AUNIP: variants seen among roughly 807,000 people sequenced by gnomAD.
AUNIP encodes the protein aurora kinase A and ninein interacting protein, also known as aurora kinase A- and ninein-interacting protein.
A neutral mutation model predicts 12.2 loss-of-function variants in AUNIP; 16 were observed. That is an observed-to-expected ratio of 1.31 (90% CI 0.88 to 1.99). The LOEUF is 1.99. AUNIP is among the 30% of genes most tolerant of loss of function. The pLI is 0.00. For missense variants in AUNIP, 411 were observed against 419.1 expected (o/e 0.98, Z 0.17); for synonymous variants, 142 against 154.8 (o/e 0.92, Z 0.61).
At chr1:25,833,001 A>ATTG (rs1184859230), downstream of AUNIP, 2 of 152,166 alleles carry the variant, frequency 1.3e-5, no homozygotes, top group African/African-American at 4.8e-5. Context: ...GCATAGGATT[A>ATTG]TTGTTAATTT....
downstream of AUNIP, chr1:25,832,815 G>A (rs2048264610): frequency 6.4e-6 from 1 of 156,278 alleles, no homozygotes; most frequent in African/African-American, 2.4e-5. Flanking sequence ...GCTGGGCCAA[G>A]GTTTGTATGT....
chr1:25,834,824 C>G lies in AUNIP; in HGVS notation c.*169G>C. The G allele has an allele frequency of 6.9e-7, 1 of 1,445,226 alleles. No homozygotes were observed. The highest frequency in any genetic ancestry group is 9.0e-7 in the Non-Finnish European group (1 of 1,105,330). The allele number at this position is 1,445,226 out of a possible 1,614,324, so 89.5% of individuals were successfully genotyped here. A position where few individuals can be genotyped will look rare whatever the true frequency, so the allele number is the denominator to read the frequency against. On this transcript the variant is annotated 3_prime_UTR_variant, in exon 3 of 3. Coordinates refer to ENST00000374298, the MANE Select transcript of AUNIP (RefSeq NM_024037.3). ...AAAGCCATGATGCCAATCCCACTGTCTTAACAATGGTACTGCCCTTTATTT... is the reference window on the plus strand; with the variant it reads ...AAAGCCATGATGCCAATCCCACTGTGTTAACAATGGTACTGCCCTTTATTT...
downstream of AUNIP, chr1:25,832,844 C>CAA (rs2048265162): frequency 6.5e-6 from 1 of 153,762 alleles, no homozygotes; most frequent in African/African-American, 2.4e-5. Flanking sequence ...ATGCATGACT[C>CAA]AGATGCCCTC....
At chr1:25,843,862 C>CA (rs35149398) in intron 1 of AUNIP, among the ~76,000 whole-genome samples, 31 of 148,290 alleles carry the variant, frequency 2.1e-4, no homozygotes, top group African/African-American at 2.7e-4. Context: ...AATAGATAAG[C>CA]AAAAAAAAAA....
chr1:25,840,757 T>C (rs1377642969), intron 1 of AUNIP, among the ~76,000 whole-genome samples: 5 of 152,340 alleles, frequency 3.3e-5, no homozygotes, highest in African/African-American at 1.2e-4. Context: ...ACCAACTCAA[T>C]ACATTTGAGG....
At chr1:25,856,669 C>A (rs181933504) in intron 1 of AUNIP, among the ~76,000 whole-genome samples, 26 of 152,108 alleles carry the variant, frequency 1.7e-4, no homozygotes, top group Non-Finnish European at 2.8e-4. Context: ...GAGCAAGACT[C>A]CATTTCGGAA....
At chr1:25,856,082 A>G (rs994856102) in intron 1 of AUNIP, among the ~76,000 whole-genome samples, 3 of 152,200 alleles carry the variant, frequency 2.0e-5, no homozygotes, top group Non-Finnish European at 4.4e-5. Context: ...AATTATAGAC[A>G]GACCAGGCAC....
At chr1:25,837,844 G>A (rs1447037825) in intron 1 of AUNIP, among the ~76,000 whole-genome samples, 1 of 152,208 alleles carries the variant, frequency 6.6e-6, no homozygotes. Context: ...CAGAGATGAT[G>A]CTCTTTTATA....
chr1:25,838,374 G>C (rs1572260429), intron 1 of AUNIP, among the ~76,000 whole-genome samples: 1 of 152,136 alleles, frequency 6.6e-6, no homozygotes, highest in East Asian at 1.9e-4. Context: ...GTGGTGGCAA[G>C]CGCCTGTAGC....
Position 25,835,064 on chromosome 1 carries a change from G to A in AUNIP, c.1003C>T (p.Gln335Ter). The change falls in exon 3 of 3, where the codon CAA becomes TAA. Residue 335 changes from glutamine (Q) to a stop codon, truncating the protein, a stop_gained. Transcript: ENST00000374298. LOFTEE classifies it high-confidence loss of function. ...AAGAGCAAATCAGGCTTCAGATTTT[G>A]AGTTGGCCCATCCTCCTGGCACTGA... ...WAQCQEDGPT[Q>*]NLKPDLLFTQ... 6.2e-7 allele frequency: 1 copy of A among 1,614,226 alleles called. No individual in the cohort carries two copies. Among genetic ancestry groups the A allele is most frequent in the Non-Finnish European group, 8.5e-7 (1 of 1,180,042 alleles).
In AUNIP at chr1:25,835,449, C is replaced by G. The variant is rs761827474; in HGVS notation, c.618G>C (p.Lys206Asn). 1 of 1,614,204 alleles carries G rather than the reference C, an allele frequency of 6.2e-7. No individual in the cohort carries two copies. Among genetic ancestry groups the G allele is most frequent in the South Asian group, 1.1e-5 (1 of 91,082 alleles). Reference protein sequence around the residue: ...RKWEWLHESKKNYQSMEKHTK... With the variant: ...RKWEWLHESKNNYQSMEKHTK... ...TGTGTTTCTCCATACTCTGATAGTT[C>G]TTCTTAGACTCATGAAGCCATTCCC... The change falls in exon 3 of 3, where the codon AAG becomes AAC. Residue 206 changes from lysine (K) to asparagine (N), a missense_variant. By Grantham distance (94) the Lys-to-Asn change is moderately conservative. Coordinates refer to ENST00000374298, the MANE Select transcript of AUNIP (RefSeq NM_024037.3).
chr1:25,854,864 T>C (rs113170880), intron 1 of AUNIP, among the ~76,000 whole-genome samples: 3,965 of 152,170 alleles, frequency 0.026, 173 homozygotes, highest in African/African-American at 0.09. Context: ...GCTGCTTGAG[T>C]GTCCTCACAA....
At chr1:25,858,955 T>C (rs1175297103) in intron 1 of AUNIP, among the ~76,000 whole-genome samples, 1 of 152,122 alleles carries the variant, frequency 6.6e-6, no homozygotes, top group Non-Finnish European at 1.5e-5. Flanking sequence ...TGTGGCCTCC[T>C]AGGGAGCCTG....
At position 25,835,351 on chromosome 1, in the gene AUNIP, TCTTTGGCAGACAC is replaced by T. The variant is rs757977793; in HGVS notation, c.703_715del (p.Val235LysfsTer21). ...AAGGAGGACAGGGGCCTGCCTGTTT[TCTTTGGCAGACAC>T]CTTTCTTTCCAATTTAGTCTTGCCT... is the stretch of plus-strand genomic sequence containing the variant. On this transcript the variant is annotated frameshift_variant, in exon 3 of 3. Coordinates refer to ENST00000374298, the MANE Select transcript of AUNIP (RefSeq NM_024037.3). LOFTEE classifies it low-confidence loss of function (END_TRUNC). 5 of 1,614,132 alleles carry T rather than the reference TCTTTGGCAGACAC, an allele frequency of 3.1e-6. No homozygotes were observed. Among genetic ancestry groups the T allele is most frequent in the African/African-American group, 2.7e-5 (2 of 74,944 alleles).
intron 1 of AUNIP, among the ~76,000 whole-genome samples, chr1:25,840,258 G>A (rs1416083469): frequency 6.6e-6 from 1 of 152,034 alleles, no homozygotes; most frequent in African/African-American, 2.4e-5. Flanking sequence ...TGAGCTTAAC[G>A]ACAGATTGGA....
At chr1:25,845,594 G>A (rs2048376099) in intron 1 of AUNIP, among the ~76,000 whole-genome samples, 1 of 152,174 alleles carries the variant, frequency 6.6e-6, no homozygotes, top group African/African-American at 2.4e-5. Flanking sequence ...CTTGGTGTCT[G>A]AAAACTTATC....
intron 1 of AUNIP, among the ~76,000 whole-genome samples, chr1:25,857,584 C>A (rs913811441): frequency 6.6e-6 from 1 of 150,668 alleles, no homozygotes; most frequent in African/African-American, 2.4e-5. Flanking sequence ...AACAATCGGC[C>A]AGGCACGGTA....
intron 1 of AUNIP, among the ~76,000 whole-genome samples, chr1:25,848,528 C>T (rs1052345199): frequency 4.0e-5 from 6 of 151,076 alleles, no homozygotes; most frequent in Non-Finnish European, 8.8e-5. Context: ...AAGGAGAGGC[C>T]TGGCAGCTCC....
At chr1:25,854,783 A>G (rs1243017443) in intron 1 of AUNIP, among the ~76,000 whole-genome samples, 1 of 152,170 alleles carries the variant, frequency 6.6e-6, no homozygotes, top group Non-Finnish European at 1.5e-5. Context: ...TCCAATTTCA[A>G]GATGACTCCC....
Sources: allele counts gnomAD v4.1 joint callset (sites outside exome capture counted in the v4.1 genomes callset), GRCh38; gene constraint gnomAD v4.1.1; transcripts MANE v1.5; gene names NCBI Gene and HGNC (gene_info 2026-07-23, HGNC 2026-07-21).